SHC4: variants seen among roughly 807,000 people sequenced by gnomAD.
SHC4 encodes the protein SHC-transforming protein 4.
A neutral mutation model predicts 69.4 loss-of-function variants in SHC4; 41 were observed. The ratio of observed to expected loss-of-function variants is 0.59; its 90% CI spans 0.46 to 0.77. SHC4 has a LOEUF of 0.77. Ranked by LOEUF, SHC4 falls within the 30% of genes least tolerant of loss-of-function variation. The pLI is 0.00. For synonymous variants in SHC4, 318 were observed against 299.3 expected (o/e 1.06, Z -0.64); for missense variants, 777 against 783.8 (o/e 0.99, Z 0.10).
chr15:48,878,909 G>T, intron 4 of SHC4: 1 of 529,198 alleles, frequency 1.9e-6, no homozygotes, highest in Non-Finnish European at 3.4e-6. Context: ...TGTGAAAAAG[G>T]AAGAGAATCA....
intron 1 of SHC4, among the ~76,000 whole-genome samples, chr15:48,960,860 G>C (rs977977603): frequency 6.6e-6 from 1 of 152,072 alleles, no homozygotes; most frequent in Non-Finnish European, 1.5e-5. Flanking sequence ...ATGTCATTCT[G>C]AGACTTCAAT....
At chr15:48,953,070 G>A (rs1371196878) in intron 1 of SHC4, among the ~76,000 whole-genome samples, 1 of 152,198 alleles carries the variant, frequency 6.6e-6, no homozygotes, top group East Asian at 1.9e-4. Context: ...TATATACCAT[G>A]GAATACTATG....
At chr15:48,859,161 G>A (rs990500697) in intron 6 of SHC4, among the ~76,000 whole-genome samples, 21 of 152,246 alleles carry the variant, frequency 1.4e-4, no homozygotes, top group African/African-American at 5.1e-4. Context: ...AGAATTTGTA[G>A]AGCTGATAAC....
At chr15:48,841,215 A>G (rs1316048082) in intron 10 of SHC4, among the ~76,000 whole-genome samples, 1 of 152,192 alleles carries the variant, frequency 6.6e-6, no homozygotes, top group Non-Finnish European at 1.5e-5. Flanking sequence ...GTGGCTCTGA[A>G]AAGTCCGTGA....
intron 1 of SHC4, chr15:48,947,818 T>C (rs761057246): frequency 6.6e-6 from 1 of 152,228 alleles, no homozygotes; most frequent in African/African-American, 2.4e-5. Context: ...TTGTTTAATG[T>C]TTGCAGAATG....
At chr15:48,914,402 T>A (rs1427052597) in intron 2 of SHC4, among the ~76,000 whole-genome samples, 2 of 152,164 alleles carry the variant, frequency 1.3e-5, no homozygotes, top group Admixed American at 1.3e-4. Flanking sequence ...AAAGGGGAAA[T>A]TACTCCTTTC....
At chr15:48,868,225 T>C (rs977432771) in intron 5 of SHC4, among the ~76,000 whole-genome samples, 9 of 152,212 alleles carry the variant, frequency 5.9e-5, no homozygotes, top group Admixed American at 3.3e-4. Flanking sequence ...TCAGGGATTA[T>C]GCAATCACAA....
At chr15:48,940,061 G>C (rs755175102) in intron 1 of SHC4, among the ~76,000 whole-genome samples, 1 of 152,214 alleles carries the variant, frequency 6.6e-6, no homozygotes, top group Non-Finnish European at 1.5e-5. Flanking sequence ...GTTGCTCTAG[G>C]TGTCTGCTAA....
At chr15:48,921,259 C>G (rs115600485) in intron 2 of SHC4, among the ~76,000 whole-genome samples, 454 of 150,886 alleles carry the variant, frequency 3.0e-3, no homozygotes, top group African/African-American at 0.011. Flanking sequence ...CTAGACCAGT[C>G]AAATCCATAG....
At chr15:48,939,715 C>T (rs767160061) in intron 1 of SHC4, among the ~76,000 whole-genome samples, 7 of 152,200 alleles carry the variant, frequency 4.6e-5, no homozygotes, top group Non-Finnish European at 5.9e-5. Context: ...ATGAGTTTCC[C>T]AACTACACTT....
chr15:48,867,104 T>C (rs1899576750), intron 6 of SHC4, among the ~76,000 whole-genome samples: 1 of 152,130 alleles, frequency 6.6e-6, no homozygotes. Context: ...TTTAGCCTAG[T>C]AGAAAGGACA....
chr15:48,847,717 A>G (rs1555432280), intron 9 of SHC4, among the ~76,000 whole-genome samples: 1 of 152,172 alleles, frequency 6.6e-6, no homozygotes, highest in Non-Finnish European at 1.5e-5. Context: ...CATATGCCCA[A>G]GTAGGCCAGG....
At chr15:48,957,192 G>A (rs1901471146) in intron 1 of SHC4, among the ~76,000 whole-genome samples, 1 of 151,844 alleles carries the variant, frequency 6.6e-6, no homozygotes, top group Non-Finnish European at 1.5e-5. Flanking sequence ...TGGCCTGGCT[G>A]GTCTCGAACT....
chr15:48,955,945 A>C (rs1901446077), intron 1 of SHC4, among the ~76,000 whole-genome samples: 1 of 152,140 alleles, frequency 6.6e-6, no homozygotes, highest in Non-Finnish European at 1.5e-5. Flanking sequence ...CTCAACTGCA[A>C]AATGAAGTGT....
chr15:48,878,033 C>T, intron 4 of SHC4: 1 of 1,044,964 alleles, frequency 9.6e-7, no homozygotes, highest in Non-Finnish European at 1.4e-6. Flanking sequence ...CACAGTGGCG[C>T]GCCAAGTAGG....
rs763720033 is a variant in SHC4 at position 48,851,226 on chromosome 15, C to T, written c.1265G>A (p.Ser422Asn). ...CYLPGNSKCS[S>N]VYENCLEQSR... Reference sequence around the variant, plus strand: ...TTGTTCTAAACAGTTCTCATATACACTGCTGCACTTGGAGTTTCCAGGCTG... The same window carrying T: ...TTGTTCTAAACAGTTCTCATATACATTGCTGCACTTGGAGTTTCCAGGCTG... Residue 422 changes from serine to asparagine, a missense_variant, in exon 9 of 12, where the codon AGT (serine) becomes AAT (asparagine). Transcript: ENST00000332408. The T allele has an allele frequency of 2.0e-5, 33 of 1,614,124 alleles. 1 individual carries two copies. In the South Asian group the frequency reaches 3.3e-4, roughly 16 times the overall value.
chr15:48,877,527 T>C, intron 4 of SHC4: 1 of 984,564 alleles, frequency 1.0e-6, no homozygotes, highest in Non-Finnish European at 1.2e-6. Flanking sequence ...TACATAAAGA[T>C]ACATGTAAAT....
At chr15:48,878,468 G>A in intron 4 of SHC4, 1 of 1,613,750 alleles carries the variant, frequency 6.2e-7, no homozygotes, top group East Asian at 2.2e-5. Context: ...GAGCGAGGAC[G>A]AGGGCGAGGA....
chr15:48,868,447 A>C (rs1899603867), intron 5 of SHC4, among the ~76,000 whole-genome samples: 1 of 152,224 alleles, frequency 6.6e-6, no homozygotes, highest in African/African-American at 2.4e-5. Flanking sequence ...TTTTAAAAAA[A>C]AGAGAACCCC....
Sources: allele counts gnomAD v4.1 joint callset (sites outside exome capture counted in the v4.1 genomes callset), GRCh38; gene constraint gnomAD v4.1.1; transcripts MANE v1.5; gene names NCBI Gene and HGNC (gene_info 2026-07-23, HGNC 2026-07-21).